Variants in GREM2 observed in about 807,000 individuals in gnomAD.
GREM2 encodes gremlin 2, DAN family BMP antagonist.
A neutral mutation model predicts 14.2 loss-of-function variants in GREM2; 11 were observed. That is an observed-to-expected ratio of 0.78 (90% confidence interval 0.49 to 1.28). The LOEUF (loss-of-function observed/expected upper bound fraction) is 1.28, where lower values mean the gene tolerates loss of function less well. Among genes scored for constraint, GREM2 ranks in the 50% most tolerant of loss-of-function variants. GREM2 has a pLI of 0.00. For missense variants in GREM2, 210 were observed against 218.5 expected (o/e 0.96, Z 0.24); for synonymous variants, 98 against 97.6 (o/e 1.00, Z -0.02).
chr1:240,510,262 C>T (rs1164458339), intron 1 of GREM2, among the ~76,000 whole-genome samples: 1 of 141,448 alleles, frequency 7.1e-6, no homozygotes, highest in Non-Finnish European at 1.5e-5. Context: ...CCCAGCTAGT[C>T]GGGAGGCTGA....
At chr1:240,595,902 C>T (rs1006875546) in intron 1 of GREM2, among the ~76,000 whole-genome samples, 2 of 152,118 alleles carry the variant, frequency 1.3e-5, no homozygotes, top group Non-Finnish European at 2.9e-5. Flanking sequence ...CTACCTTTTC[C>T]TCAAGGGGGA....
At chr1:240,537,785 A>AAAACAAACAAAC (rs59649704) in intron 1 of GREM2, among the ~76,000 whole-genome samples, 31 of 151,410 alleles carry the variant, frequency 2.0e-4, no homozygotes, top group South Asian at 6.2e-4. Context: ...CTCTGTCTCA[A>AAAACAAACAAAC]AAACAAACAA....
chr1:240,584,214 G>A lies in GREM2; in HGVS notation c.-2+27670C>T, dbSNP rs551008731. ...TCTCTACAAAAAATTTTTTAAAATG[G>A]CCGGGCGCAGTGGCTCATGCCTGTA... On this transcript the variant is annotated intron_variant, in intron 1 of 1. Coordinates refer to ENST00000318160, the MANE Select transcript of GREM2 (RefSeq NM_022469.4). 2.0e-5 allele frequency among the ~76,000 whole-genome samples: 3 copies of A among 152,156 alleles called. No individual in the cohort carries two copies. In the East Asian group the frequency reaches 5.8e-4, roughly 29 times the overall value.
At chr1:240,528,673 A>C (rs1007294160) in intron 1 of GREM2, among the ~76,000 whole-genome samples, 4 of 152,188 alleles carry the variant, frequency 2.6e-5, no homozygotes, top group Non-Finnish European at 4.4e-5. Flanking sequence ...TCTGCACTTG[A>C]AAATGTTTCT....
intron 1 of GREM2, among the ~76,000 whole-genome samples, chr1:240,534,857 C>T (rs1043688877): frequency 6.6e-6 from 1 of 152,068 alleles, no homozygotes; most frequent in Non-Finnish European, 1.5e-5. Flanking sequence ...GGGACAGAAA[C>T]ATGTTGAGGA....
In GREM2 at chr1:240,610,769, G is replaced by C. The variant is rs191339566; in HGVS notation, c.-2+1115C>G. Among the ~76,000 whole-genome samples, 332 of 152,322 alleles carry C rather than the reference G, an allele frequency of 2.2e-3. 1 individual carries two copies. The highest frequency in any genetic ancestry group is 5.0e-4 in the Non-Finnish European group (34 of 68,026). On this transcript the variant is annotated intron_variant, in intron 1 of 1. Transcript: ENST00000318160. ...TTTGATTGCCCCTGCACCTGCTGCA[G>C]AGCCATTCTCTGGCTGTACTGGAGT...
chr1:240,563,249 A>T (rs1386342863), intron 1 of GREM2, among the ~76,000 whole-genome samples: 2 of 151,932 alleles, frequency 1.3e-5, no homozygotes. Flanking sequence ...GTGTATGCAC[A>T]GGAACATATT....
At chr1:240,556,861 G>A (rs558534932) in intron 1 of GREM2, among the ~76,000 whole-genome samples, 59 of 152,164 alleles carry the variant, frequency 3.9e-4, no homozygotes, top group Admixed American at 1.2e-3. Flanking sequence ...GCGAAAGGTC[G>A]AATATCTGAT....
chr1:240,604,618 AT>A (rs201380439), intron 1 of GREM2, among the ~76,000 whole-genome samples: 1 of 151,626 alleles, frequency 6.6e-6, no homozygotes, highest in Non-Finnish European at 1.5e-5. Flanking sequence ...TCAAGAAGCA[AT>A]TTTTTTTTCT....
chr1:240,602,113 C>G (rs1013213845), intron 1 of GREM2, among the ~76,000 whole-genome samples: 1 of 152,126 alleles, frequency 6.6e-6, no homozygotes, highest in African/African-American at 2.4e-5. Context: ...GAGAAGTTCT[C>G]AGCTTAGGTA....
At chr1:240,519,591 G>A (rs2103300922) in intron 1 of GREM2, among the ~76,000 whole-genome samples, 1 of 152,140 alleles carries the variant, frequency 6.6e-6, no homozygotes, top group South Asian at 2.1e-4. Flanking sequence ...TATTTGTTTT[G>A]ATAGAGATTA....
Position 240,542,485 on chromosome 1 carries a change from C to T in GREM2, c.-1-49009G>A, listed in dbSNP as rs201794853. Among the ~76,000 whole-genome samples, 69 of 150,236 alleles carry T rather than the reference C, an allele frequency of 4.6e-4. No homozygotes were observed. Among genetic ancestry groups the T allele is most frequent in the South Asian group, 1.7e-3 (8 of 4,746 alleles). The stretch of plus-strand genomic sequence containing the variant: ...AAAAAATTAGCTGGGTGTGGTGGTG[C>T]GCACCTGTAGTCCCAGCTACTCGGG... On this transcript the variant is annotated intron_variant, in intron 1 of 1. Transcript: ENST00000318160. The surrounding 1 kb of genome is among the most constrained non-coding windows in gnomAD (Gnocchi z 4.1).
chr1:240,601,187 T>G (rs537759222), intron 1 of GREM2, among the ~76,000 whole-genome samples: 3 of 152,358 alleles, frequency 2.0e-5, no homozygotes, highest in African/African-American at 7.2e-5. Context: ...TGAGTTTTTA[T>G]GCCTGTATGA....
intron 1 of GREM2, among the ~76,000 whole-genome samples, chr1:240,509,516 G>C (rs1323279577): frequency 2.0e-5 from 3 of 151,990 alleles, no homozygotes; most frequent in African/African-American, 4.8e-5. Flanking sequence ...TTACAGGCAT[G>C]CACCAACAAG....
At chr1:240,560,669 T>C (rs974784338) in intron 1 of GREM2, among the ~76,000 whole-genome samples, 1 of 152,166 alleles carries the variant, frequency 6.6e-6, no homozygotes, top group Non-Finnish European at 1.5e-5. Context: ...GGTTTACTAT[T>C]TTCTTCTAAC....
intron 1 of GREM2, among the ~76,000 whole-genome samples, chr1:240,510,429 C>G (rs1412121326): frequency 7.4e-6 from 1 of 134,346 alleles, no homozygotes; most frequent in African/African-American, 2.8e-5. Context: ...TGTCAATCCA[C>G]AGGGACAGAC....
intron 1 of GREM2, among the ~76,000 whole-genome samples, chr1:240,569,617 T>G (rs1679223258): frequency 6.6e-6 from 1 of 152,138 alleles, no homozygotes; most frequent in Non-Finnish European, 1.5e-5. Flanking sequence ...AGCCAACAAA[T>G]AGTATTGGAA....
chr1:240,591,058 G>A (rs1485469647), intron 1 of GREM2, among the ~76,000 whole-genome samples: 1 of 152,138 alleles, frequency 6.6e-6, no homozygotes, highest in African/African-American at 2.4e-5. Context: ...GGGATTACAG[G>A]CGTGAGCCAC....
intron 1 of GREM2, among the ~76,000 whole-genome samples, chr1:240,576,141 T>G (rs963451863): frequency 6.6e-6 from 1 of 152,096 alleles, no homozygotes; most frequent in East Asian, 1.9e-4. Flanking sequence ...ATACAGGCAA[T>G]AAAGAAAACC....
Sources: gnomAD v4.1 joint callset for allele counts (sites outside exome capture counted in the v4.1 genomes callset) on GRCh38, gnomAD v4.1.1 for gene constraint, Gnocchi (gnomAD v3.1) non-coding constraint, MANE v1.5 for transcripts, NCBI Gene and HGNC (gene_info 2026-07-23, HGNC 2026-07-21) for gene names.